EI24: variants seen among roughly 807,000 people sequenced by gnomAD.
The protein encoded by EI24 is etoposide-induced protein 2.4 homolog.
In EI24, 21 loss-of-function variants were observed where a neutral mutation model predicts 48.6. The observed-to-expected ratio is 0.43, with a 90% confidence interval of 0.31 to 0.62. The LOEUF (loss-of-function observed/expected upper bound fraction) is 0.62, where lower values mean the gene tolerates loss of function less well. Ranked by LOEUF, EI24 falls within the 20% of genes least tolerant of loss-of-function variation. EI24 has a pLI of 0.10. For synonymous variants in EI24, 114 were observed against 145.5 expected, an observed-to-expected ratio of 0.78 and a Z score of 1.56; for missense variants, 280 against 410.5, an observed-to-expected ratio of 0.68 and a Z score of 2.75.
In EI24 at chr11:125,575,424, C is replaced by G. The variant is rs370624276; in HGVS notation, c.188+16C>G. The G allele has an allele frequency of 1.3e-6, 2 of 1,558,616 alleles. No homozygotes were observed. Among genetic ancestry groups the G allele is most frequent in the African/African-American group, 1.4e-5 (1 of 73,790 alleles). ...AGCAAGAGAGGTAAGGAGTGCATGC[C>G]TGATATCAAAATGTCCAAGGGAGGG... is the stretch of plus-strand genomic sequence containing the variant. On this transcript the variant is annotated intron_variant, in intron 3 of 10. Coordinates refer to ENST00000278903, the MANE Select transcript of EI24 (RefSeq NM_004879.5).
intron 1 of EI24, among the ~76,000 whole-genome samples, chr11:125,570,599 T>C (rs990184170): frequency 6.6e-6 from 1 of 152,214 alleles, no homozygotes; most frequent in Non-Finnish European, 1.5e-5. Context: ...AGACAGAATG[T>C]TTCAGGTTCC....
Position 125,576,276 on chromosome 11 carries a change from A to C in EI24, c.210A>C (p.Arg70Ser). The C allele has an allele frequency of 6.2e-7, 1 of 1,613,952 alleles. No homozygotes were observed. The highest frequency in any genetic ancestry group is 8.5e-7 in the Non-Finnish European group (1 of 1,179,862). The change falls in exon 4 of 11, where the codon AGA (arginine) becomes AGC (serine). Residue 70 changes from arginine to serine, a missense_variant. By Grantham distance (110) the Arg-to-Ser change is moderately radical. Transcript: ENST00000278903. ...CCAGTGAGCCACGTATTGTTAGTAG[A>C]ATTTTCCAGTGTTGTGCTTGGAATG... Reference protein sequence around the residue: ...KQESEPRIVSRIFQCCAWNGG... With the variant: ...KQESEPRIVSSIFQCCAWNGG...
intron 9 of EI24, among the ~76,000 whole-genome samples, chr11:125,582,130 G>A (rs967827282): frequency 1.2e-4 from 18 of 151,920 alleles, no homozygotes; most frequent in South Asian, 2.1e-4. Flanking sequence ...CACAGGAGGC[G>A]GAGGTTGCGG....
At chr11:125,571,021 G>A (rs943206177) in intron 1 of EI24, among the ~76,000 whole-genome samples, 1 of 152,238 alleles carries the variant, frequency 6.6e-6, no homozygotes, top group Non-Finnish European at 1.5e-5. Context: ...GCCTATCTGT[G>A]TAGGATTTGA....
chr11:125,583,632 C>G lies in EI24; in HGVS notation c.972C>G (p.Phe324Leu). 1 of 1,613,462 alleles carries G rather than the reference C, an allele frequency of 6.2e-7. No homozygotes were observed. The change falls in exon 11 of 11, where the codon TTC becomes TTG. Residue 324 changes from phenylalanine to leucine, a missense_variant. Physicochemically the swap from Phe to Leu is conservative, Grantham distance 22. Transcript: ENST00000278903. ...GCAGCTCTACTTCTGCAGAGAAGTT[C>G]CCTTCACCGCATCCGTCGCCTGCCA... Reference protein sequence around the residue: ...ALSSSTSAEKFPSPHPSPAKL... With the variant: ...ALSSSTSAEKLPSPHPSPAKL...
Position 125,579,679 on chromosome 11 carries a change from T to G in EI24, c.562-414T>G, listed in dbSNP as rs555302031. Among the ~76,000 whole-genome samples, 4 of 152,132 alleles carry G rather than the reference T, an allele frequency of 2.6e-5. No individual in the cohort carries two copies. In the South Asian group the frequency reaches 8.3e-4, roughly 32 times the overall value. ...CAAAACTGTCTCAAAAATAAATAAA[T>G]AAATAAAAGACAGGGTCTTATTTTG... On this transcript the variant is annotated intron_variant, in intron 7 of 10. Transcript: ENST00000278903.
chr11:125,570,953 G>A (rs928454659), intron 1 of EI24, among the ~76,000 whole-genome samples: 5 of 152,146 alleles, frequency 3.3e-5, no homozygotes, highest in Non-Finnish European at 7.3e-5. Flanking sequence ...GTTTTCAGGA[G>A]GAAACAGTGG....
chr11:125,572,557 G>A lies in EI24; in HGVS notation c.30G>A (p.Gln10=). Residue 10 remains glutamine (Q), a synonymous_variant, in exon 2 of 11, where the codon CAG becomes CAA. Transcript: ENST00000278903. Reference sequence around the variant, plus strand: ...CTGACAGTGTCAAAACCTTTCTCCAGGACCTTGCCAGAGTGAGTACATCTT... The same window carrying A: ...CTGACAGTGTCAAAACCTTTCTCCAAGACCTTGCCAGAGTGAGTACATCTT... MADSVKTFL[Q]DLARGIKDSI... The A allele has an allele frequency of 6.2e-7, 1 of 1,613,754 alleles. No individual in the cohort carries two copies. Among genetic ancestry groups the A allele is most frequent in the African/African-American group, 1.3e-5 (1 of 75,014 alleles).
chr11:125,571,890 A>AAATAT (rs1938548382), intron 1 of EI24, among the ~76,000 whole-genome samples: 1 of 152,198 alleles, frequency 6.6e-6, no homozygotes, highest in Non-Finnish European at 1.5e-5. Flanking sequence ...AAATAAAATA[A>AAATAT]AATAAAAAAG....
rs1411797189 is a variant in EI24 at position 125,572,482 on chromosome 11, G to A, written c.-46G>A. On this transcript the variant is annotated 5_prime_UTR_variant, in exon 2 of 11. Coordinates refer to ENST00000278903, the MANE Select transcript of EI24 (RefSeq NM_004879.5). ...GATCCTTCATGATGAGAGATTTGGG[G>A]ACACTTCTCTCTCCTGTGTGTAGTT... The A allele has an allele frequency of 6.4e-7, 1 of 1,571,834 alleles. No homozygotes were observed. Among genetic ancestry groups the A allele is most frequent in the Admixed American group, 1.7e-5 (1 of 59,358 alleles).
intron 1 of EI24, among the ~76,000 whole-genome samples, chr11:125,571,161 G>A (rs999399491): frequency 3.3e-5 from 5 of 152,206 alleles, no homozygotes; most frequent in Admixed American, 6.5e-5. Flanking sequence ...AGTGGTTAAA[G>A]GTCGGGGAAA....
intron 6 of EI24, 113 bp downstream of exon 6, chr11:125,578,370 A>G (rs1591358192): frequency 3.5e-6 from 5 of 1,409,558 alleles, no homozygotes; most frequent in Non-Finnish European, 4.9e-6. Context: ...TTCAGCCTTA[A>G]TGTTTCTTGG....
chr11:125,577,969 G>T, intron 5 of EI24, 164 bp from the exon 6 acceptor site: 3 of 749,322 alleles, frequency 4.0e-6, no homozygotes, highest in Non-Finnish European at 6.4e-6. Flanking sequence ...AGAATGTGGT[G>T]CGTCTATTAT....
chr11:125,582,263 G>T (rs1000695480), intron 9 of EI24, 83 bp from the exon 10 acceptor site: 39 of 1,267,606 alleles, frequency 3.1e-5, no homozygotes, highest in Non-Finnish European at 3.7e-5. Flanking sequence ...GGAAGCAAAA[G>T]AACTTGGAGC....
intron 5 of EI24, 162 bp from the exon 6 acceptor site, chr11:125,577,971 G>A (rs2135862544): frequency 7.8e-6 from 6 of 769,574 alleles, no homozygotes; most frequent in South Asian, 5.5e-5. Context: ...AATGTGGTGC[G>A]TCTATTATGA....
intron 4 of EI24, 98 bp from the exon 5 acceptor site, chr11:125,577,405 TA>T: frequency 8.1e-7 from 1 of 1,242,054 alleles, no homozygotes; most frequent in Non-Finnish European, 1.2e-6. Flanking sequence ...TCCTGATTTA[TA>T]AAAGTCACTC....
intron 2 of EI24, chr11:125,574,737 C>CATAG (rs1302329680): frequency 6.6e-6 from 1 of 152,320 alleles, no homozygotes; most frequent in African/African-American, 2.4e-5. Flanking sequence ...TTCTGCAGCA[C>CATAG]ATGTACTAAA....
At position 125,580,143 on chromosome 11, in the gene EI24, T is replaced by G; in HGVS notation, c.612T>G (p.Ser204Arg). The G allele has an allele frequency of 1.9e-6, 3 of 1,613,976 alleles. No individual in the cohort carries two copies. Among genetic ancestry groups the G allele is most frequent in the Non-Finnish European group, 2.5e-6 (3 of 1,179,844 alleles). Residue 204 changes from serine (S) to arginine (R), a missense_variant, in exon 8 of 11, where the codon AGT becomes AGG. Physicochemically the swap from Ser to Arg is moderately radical, Grantham distance 110 (BLOSUM62 -1). Around this residue, in one of 3 missense-constraint regions of EI24, gnomAD observed 204 missense variants for 294.1 expected, o/e 0.69. Transcript: ENST00000278903. Reference sequence around the variant, plus strand: ...TCCATCTTGTCGGTCAGCTGGTTAGTCTCCTGCATATGTCCCTTCTCTACT... The same window carrying G: ...TCCATCTTGTCGGTCAGCTGGTTAGGCTCCTGCATATGTCCCTTCTCTACT... Reference protein sequence around the residue: ...FPIHLVGQLVSLLHMSLLYSL... With the variant: ...FPIHLVGQLVRLLHMSLLYSL...
intron 4 of EI24, among the ~76,000 whole-genome samples, chr11:125,576,746 C>T (rs916770632): frequency 6.6e-6 from 1 of 152,164 alleles, no homozygotes; most frequent in Non-Finnish European, 1.5e-5. Flanking sequence ...GATTGCCTAC[C>T]ATTTACTGAG....
Sources: gnomAD v4.1 joint callset for allele counts (sites outside exome capture counted in the v4.1 genomes callset) on GRCh38, gnomAD v4.1.1 for gene constraint, gnomAD v4.1.1 regional missense constraint, MANE v1.5 for transcripts, NCBI Gene and HGNC (gene_info 2026-07-23, HGNC 2026-07-21) for gene names.